Variants in KHSRP observed in about 807,000 individuals in gnomAD.
The protein encoded by KHSRP is far upstream element-binding protein 2.
In KHSRP, 13 loss-of-function variants were observed where a neutral mutation model predicts 94.9. The observed-to-expected ratio is 0.14, with a 90% CI of 0.09 to 0.22. The LOEUF (loss-of-function observed/expected upper bound fraction) is 0.22. Among genes scored for constraint, KHSRP ranks in the 10% least tolerant of loss-of-function variants. The pLI is 1.00. For missense variants in KHSRP, 710 were observed against 1,010.0 expected, an observed-to-expected ratio of 0.70 and a Z score of 4.03; for synonymous variants, 495 against 401.4, an observed-to-expected ratio of 1.23 and a Z score of -2.79.
chr19:6,422,053 A>G (rs999111604), intron 2 of KHSRP, among the ~76,000 whole-genome samples: 10 of 152,304 alleles, frequency 6.6e-5, no homozygotes, highest in African/African-American at 2.4e-4. Flanking sequence ...CCAACTTCAC[A>G]TCAAGCCTCA....
At chr19:6,417,944 CG>C in intron 10 of KHSRP, 36 bp downstream of exon 10, 3 of 1,601,452 alleles carry the variant, frequency 1.9e-6, no homozygotes, top group Non-Finnish European at 2.6e-6. Context: ...CCTCCACTGG[CG>C]GGGGAGAGGG....
chr19:6,417,704 G>T, intron 11 of KHSRP, 35 bp downstream of exon 11: 1 of 1,567,036 alleles, frequency 6.4e-7, no homozygotes, highest in Non-Finnish European at 8.8e-7. Context: ...GGGTGGGGGT[G>T]CACTGGCCAG....
chr19:6,416,475 C>T lies in KHSRP; in HGVS notation c.1488+15G>A. 6.2e-7 allele frequency: 1 copy of T among 1,612,236 alleles called. No individual in the cohort carries two copies. The highest frequency in any genetic ancestry group is 8.5e-7 in the Non-Finnish European group (1 of 1,179,298). On this transcript the variant is annotated intron_variant, in intron 14 of 18. Transcript: ENST00000600480. ...GGGCTGTGAGACCAAATCCCCAGAG[C>T]CCGCCCCAACCCACCTCGATCTTTT...
intron 13 of KHSRP, 28 bp from the exon 14 acceptor site, chr19:6,416,678 C>G: frequency 6.2e-7 from 1 of 1,613,564 alleles, no homozygotes; most frequent in Non-Finnish European, 8.5e-7. Flanking sequence ...GTGAAGGTGG[C>G]CTGCAGTGAT....
intron 18 of KHSRP, 30 bp downstream of exon 18, chr19:6,415,350 T>A (rs200127674): frequency 6.2e-7 from 1 of 1,612,346 alleles, no homozygotes. Context: ...GGGCTGCCCC[T>A]GCCCCTGTCC....
At chr19:6,420,900 T>C in intron 4 of KHSRP, 1 of 381,530 alleles carries the variant, frequency 2.6e-6, no homozygotes, top group Non-Finnish European at 4.8e-6. Flanking sequence ...CAAAGAGCCC[T>C]GAGCTCCACA....
chr19:6,413,313 G>GA lies in KHSRP; in HGVS notation c.*1710dup, dbSNP rs2092113215. 1 of 273,710 alleles carries GA rather than the reference G, an allele frequency of 3.7e-6. No homozygotes were observed. Among genetic ancestry groups the GA allele is most frequent in the East Asian group, 1.4e-4 (1 of 7,210 alleles). The allele number at this position is 273,710 out of a possible 1,614,324, so 17.0% of individuals were successfully genotyped here. On this transcript the variant is annotated 3_prime_UTR_variant, in exon 19 of 19. Coordinates refer to ENST00000600480, the MANE Select transcript of KHSRP (RefSeq NM_001366299.1). ...CGCTTCAAAACTACAGGGAGGGAAG[G>GA]AAAGGGGGGGAGACAGACAGCACCC...
chr19:6,421,728 C>A (rs2092196050), intron 2 of KHSRP, 40 bp from the exon 3 acceptor site: 9 of 1,612,928 alleles, frequency 5.6e-6, no homozygotes, highest in Non-Finnish European at 7.6e-6. Flanking sequence ...CACCCACCCA[C>A]CCACGGCCGC....
intron 12 of KHSRP, 23 bp from the exon 13 acceptor site, chr19:6,416,905 GGAT>G (rs760370098): frequency 1.1e-5 from 18 of 1,612,268 alleles, no homozygotes; most frequent in Middle Eastern, 1.6e-4. Flanking sequence ...AGGAGGAGGA[GGAT>G]GATGAACCCT....
intron 1 of KHSRP, 64 bp from the exon 2 acceptor site, chr19:6,422,500 C>T: frequency 8.2e-7 from 1 of 1,225,610 alleles, no homozygotes; most frequent in South Asian, 1.2e-5. Flanking sequence ...GCACCCAGGT[C>T]AACTTCTCAG....
At chr19:6,420,862 C>G (rs2145122575) in intron 4 of KHSRP, 1 of 375,368 alleles carries the variant, frequency 2.7e-6, no homozygotes, top group South Asian at 3.5e-5. Flanking sequence ...AGGTTCACCT[C>G]AGTCCATCTG....
rs1003858537 is a variant in KHSRP, at chr19:6,418,347, G to A, written c.879+136C>T. ...GTTCAGGGCCATCCTACGAGCCAGC[G>A]CTCTTGCAAGCCTCTTGGTGTTATG... On this transcript the variant is annotated intron_variant, in intron 9 of 18. Coordinates refer to ENST00000600480, the MANE Select transcript of KHSRP (RefSeq NM_001366299.1). This position sits in a 1 kb window ranked among gnomAD's most constrained non-coding sequence, Gnocchi z 4.3. 11 of 703,044 alleles carry A rather than the reference G, an allele frequency of 1.6e-5. No homozygotes were observed. The highest frequency in any genetic ancestry group is 8.1e-5 in the East Asian group (3 of 36,974). The allele number at this position is 703,044 out of a possible 1,614,324, so 43.6% of individuals were successfully genotyped here. A position where few individuals can be genotyped will look rare whatever the true frequency, so the allele number is the denominator to read the frequency against.
rs1555725658 is a variant in KHSRP at position 6,413,144 on chromosome 19, A to AAAGG, written c.*1879_*1880insCCTT. 8.5e-6 allele frequency among the ~76,000 whole-genome samples: 1 copy of AAAGG among 117,208 alleles called. No homozygotes were observed. Among genetic ancestry groups the AAAGG allele is most frequent in the Non-Finnish European group, 1.7e-5 (1 of 59,744 alleles). The allele number at this position is 117,208 out of a possible 152,430, so 76.9% of individuals were successfully genotyped here. A position where few individuals can be genotyped will look rare whatever the true frequency, so the allele number is the denominator to read the frequency against. On this transcript the variant is annotated 3_prime_UTR_variant, in exon 19 of 19. Coordinates refer to ENST00000600480, the MANE Select transcript of KHSRP (RefSeq NM_001366299.1). ...GCACTTTATTTAACAAAAAAAAAAA[A>AAAGG]GGGGGGGGGGCACGGTTAGGAAAGC...
In KHSRP at chr19:6,417,962, A is replaced by C; in HGVS notation, c.978+19T>G. The C allele has an allele frequency of 6.2e-7, 1 of 1,611,300 alleles. No homozygotes were observed. The highest frequency in any genetic ancestry group is 8.5e-7 in the Non-Finnish European group (1 of 1,177,712). ...CCACTGGCGGGGGAGAGGGGGGTGA[A>C]GGCAGGGCCCACACTCACATCGATG... On this transcript the variant is annotated intron_variant, in intron 10 of 18. Transcript: ENST00000600480.
chr19:6,418,926 GT>G lies in KHSRP; in HGVS notation c.606-51del. On this transcript the variant is annotated intron_variant, in intron 7 of 18. Coordinates refer to ENST00000600480, the MANE Select transcript of KHSRP (RefSeq NM_001366299.1). This position sits in a 1 kb window ranked among gnomAD's most constrained non-coding sequence, Gnocchi z 4.3. ...GAGCGGGTGCCACCGCTGGAGAAAG[GT>G]ACTGGTCTGGTGGCCCACCCAGCTC... 6.7e-7 allele frequency: 1 copy of G among 1,491,356 alleles called. No homozygotes were observed. The highest frequency in any genetic ancestry group is 2.3e-5 in the East Asian group (1 of 43,176). The allele number at this position is 1,491,356 out of a possible 1,614,324, so 92.4% of individuals were successfully genotyped here. A position where few individuals can be genotyped will look rare whatever the true frequency, so the allele number is the denominator to read the frequency against.
rs373886834 is a variant in KHSRP at position 6,418,072 on chromosome 19, C to G, written c.887G>C (p.Cys296Ser). The G allele has an allele frequency of 1.6e-4, 261 of 1,613,824 alleles. No homozygotes were observed. Among genetic ancestry groups the G allele is most frequent in the Non-Finnish European group, 2.1e-4 (251 of 1,179,850 alleles). Reference protein sequence around the residue: ...IGDPYKVQQACEMVMDILRER... With the variant: ...IGDPYKVQQASEMVMDILRER... ...CCGGAGGATGTCCATCACCATCTCA[C>G]AGGCTTGCTGCAAACACACAGGAAG... Residue 296 changes from cysteine to serine, a missense_variant, in exon 10 of 19, where the codon TGT (cysteine) becomes TCT (serine). Around this residue, in one of 5 missense-constraint regions of KHSRP, gnomAD observed 288 missense variants for 501.1 expected, o/e 0.57. Coordinates refer to ENST00000600480, the MANE Select transcript of KHSRP (RefSeq NM_001366299.1). The surrounding 1 kb of genome is among the most constrained non-coding windows in gnomAD (Gnocchi z 4.3).
At position 6,415,857 on chromosome 19, in the gene KHSRP, G is replaced by A. The variant is rs1333352005; in HGVS notation, c.1638C>T (p.Gly546=). 9 of 1,567,474 alleles carry A rather than the reference G, an allele frequency of 5.7e-6. No homozygotes were observed. In the East Asian group the frequency reaches 2.1e-4, roughly 36 times the overall value. ...GCCACTGGGGGTAGGTATTGCCCCA[G>A]CCCTGGGGTGGGTACTGGTGAGGAG... ...GPPPHQYPPQ[G]WGNTYPQWQP... is the part of the protein sequence containing the mutation. The change falls in exon 16 of 19, where the codon GGC becomes GGT. Residue 546 remains glycine (G), a synonymous_variant. Transcript: ENST00000600480.
rs375397564 is a variant in KHSRP, at chr19:6,418,594, G to C, written c.781-13C>G. 3 of 1,613,514 alleles carry C rather than the reference G, an allele frequency of 1.9e-6. No individual in the cohort carries two copies. The highest frequency in any genetic ancestry group is 2.2e-5 in the East Asian group (1 of 44,896). ...CTCCAGCGCGTTCCTTTACAAGCAA[G>C]GTTAACCGTTAGTGCTGGGCTCTCC... On this transcript the variant is annotated splice_polypyrimidine_tract_variant and intron_variant, in intron 8 of 18. Coordinates refer to ENST00000600480, the MANE Select transcript of KHSRP (RefSeq NM_001366299.1). This position sits in a 1 kb window ranked among gnomAD's most constrained non-coding sequence, Gnocchi z 4.3.
chr19:6,420,155 AAAG>A lies in KHSRP; in HGVS notation c.476-14_476-12del, dbSNP rs772430674. 2.0e-4 allele frequency: 322 copies of A among 1,609,286 alleles called. No individual in the cohort carries two copies. Among genetic ancestry groups the A allele is most frequent in the Non-Finnish European group, 2.4e-4 (277 of 1,176,632 alleles). ...CTCCTCTGCCAATGACTGGATGGAG[AAAG>A]AAGGAGAAAAGCAAAGCGTGATGAG... On this transcript the variant is annotated splice_polypyrimidine_tract_variant and intron_variant, in intron 5 of 18. Transcript: ENST00000600480.
Sources: gnomAD v4.1 joint callset for allele counts (sites outside exome capture counted in the v4.1 genomes callset) on GRCh38, gnomAD v4.1.1 for gene constraint, gnomAD v4.1.1 regional missense constraint, Gnocchi (gnomAD v3.1) non-coding constraint, MANE v1.5 for transcripts, NCBI Gene and HGNC (gene_info 2026-07-23, HGNC 2026-07-21) for gene names.